MAGI2: variants seen among roughly 807,000 people sequenced by gnomAD.
MAGI2 encodes the protein membrane associated guanylate kinase, WW and PDZ domain containing 2.
A neutral mutation model predicts 133.3 loss-of-function variants in MAGI2; 35 were observed. The ratio of observed to expected loss-of-function variants is 0.26; its 90% confidence interval spans 0.20 to 0.35. MAGI2 has a LOEUF of 0.35. Ranked by LOEUF, MAGI2 falls within the 10% of genes least tolerant of loss-of-function variation. The pLI, the probability that MAGI2 is intolerant of heterozygous loss-of-function variation, is 1.00. For synonymous variants in MAGI2, 729 were observed against 710.6 expected, an observed-to-expected ratio of 1.03 and a Z score of -0.41; for missense variants, 1,636 against 1,863.4, an observed-to-expected ratio of 0.88 and a Z score of 2.25.
At chr7:79,096,961 C>T (rs1478778877) in intron 1 of MAGI2, among the ~76,000 whole-genome samples, 1 of 152,060 alleles carries the variant, frequency 6.6e-6, no homozygotes, top group East Asian at 1.9e-4. Context: ...CGTTATCTCC[C>T]CAATGATCCT....
intron 9 of MAGI2, among the ~76,000 whole-genome samples, chr7:78,330,615 CAAAAAAAAAAAAAA>C (rs4024122): frequency 1.4e-4 from 1 of 6,940 alleles, no homozygotes; most frequent in Non-Finnish European, 2.6e-4. Context: ...GACTCCGTCT[CAAAAAAAAAAAAAA>C]AAAAAAAAAA....
chr7:79,395,954 G>A (rs1196812707), intron 1 of MAGI2, among the ~76,000 whole-genome samples: 1 of 152,098 alleles, frequency 6.6e-6, no homozygotes, highest in African/African-American at 2.4e-5. Context: ...AGAAGAACAT[G>A]TACATTGAGG....
chr7:78,625,150 T>C (rs932250386), intron 3 of MAGI2, among the ~76,000 whole-genome samples: 2 of 152,102 alleles, frequency 1.3e-5, no homozygotes, highest in African/African-American at 4.8e-5. Flanking sequence ...GTTTAAAAAG[T>C]TAAAACAATT....
chr7:78,630,215 G>T (rs887638283), intron 2 of MAGI2, among the ~76,000 whole-genome samples: 42 of 132,210 alleles, frequency 3.2e-4, no homozygotes, highest in Non-Finnish European at 5.5e-4. Flanking sequence ...ATTTTTTCTT[G>T]ATTTTTTTTA....
At chr7:78,920,597 T>C (rs1261915093) in intron 2 of MAGI2, among the ~76,000 whole-genome samples, 2 of 152,176 alleles carry the variant, frequency 1.3e-5, no homozygotes, top group East Asian at 3.9e-4. Context: ...ATAGTCTCTA[T>C]GTTCTGTTAC....
At chr7:79,397,362 G>A (rs1352643404) in intron 1 of MAGI2, among the ~76,000 whole-genome samples, 1 of 151,612 alleles carries the variant, frequency 6.6e-6, no homozygotes, top group Non-Finnish European at 1.5e-5. Flanking sequence ...TTTAATAGGT[G>A]CCTAAAATTC....
rs995415023 is a variant in MAGI2 at position 78,223,747 on chromosome 7, A to G, written c.2048-22554T>C. The stretch of plus-strand genomic sequence containing the variant: ...TTTATACTGCCCCTTTTTTTTCACA[A>G]TGAAAACAGATTTATGGTATAAAAG... On this transcript the variant is annotated intron_variant, in intron 10 of 21. Transcript: ENST00000354212. Among the ~76,000 whole-genome samples, 6 of 152,080 alleles carry G rather than the reference A, an allele frequency of 3.9e-5. No homozygotes were observed. In the South Asian group the frequency reaches 6.2e-4, roughly 16 times the overall value.
intron 1 of MAGI2, among the ~76,000 whole-genome samples, chr7:79,440,799 A>T (rs1372922044): frequency 6.6e-6 from 1 of 152,204 alleles, no homozygotes; most frequent in Non-Finnish European, 1.5e-5. Flanking sequence ...GTCCAGAGAT[A>T]GTGCTAGTCC....
intron 1 of MAGI2, among the ~76,000 whole-genome samples, chr7:79,014,882 T>A (rs1808532529): frequency 6.6e-6 from 1 of 152,128 alleles, no homozygotes; most frequent in African/African-American, 2.4e-5. Flanking sequence ...CACTCCAAAG[T>A]TTCAGTATAA....
At chr7:79,312,712 G>A (rs112918119) in intron 1 of MAGI2, among the ~76,000 whole-genome samples, 4,815 of 152,238 alleles carry the variant, frequency 0.032, 107 homozygotes, top group African/African-American at 0.051. Context: ...GGCACAAAGT[G>A]TGCATACAAA....
chr7:79,387,482 A>T (rs1481960042), intron 1 of MAGI2, among the ~76,000 whole-genome samples: 4 of 152,138 alleles, frequency 2.6e-5, no homozygotes, highest in Non-Finnish European at 5.9e-5. Context: ...TCAATGGCTT[A>T]AATGTGCAAA....
intron 6 of MAGI2, among the ~76,000 whole-genome samples, chr7:78,468,013 G>T (rs76823723): frequency 6.6e-6 from 1 of 152,062 alleles, no homozygotes; most frequent in South Asian, 2.1e-4. Context: ...GGAGGGAAAA[G>T]TTTTCACTGC....
At chr7:78,811,448 C>T (rs937236048) in intron 2 of MAGI2, among the ~76,000 whole-genome samples, 8 of 151,518 alleles carry the variant, frequency 5.3e-5, no homozygotes, top group African/African-American at 9.7e-5. Context: ...GAATTTTATC[C>T]GGAATCTAGC....
At chr7:78,136,007 T>A (rs1198111476) in intron 16 of MAGI2, among the ~76,000 whole-genome samples, 1 of 152,232 alleles carries the variant, frequency 6.6e-6, no homozygotes, top group East Asian at 1.9e-4. Flanking sequence ...GATGCTCCAT[T>A]GATTATAAGA....
At chr7:78,511,756 T>G (rs1033816959) in intron 4 of MAGI2, among the ~76,000 whole-genome samples, 24 of 148,356 alleles carry the variant, frequency 1.6e-4, no homozygotes, top group Non-Finnish European at 3.1e-4. Flanking sequence ...CTCTTCGTGC[T>G]CTGAAGTGGT....
intron 9 of MAGI2, among the ~76,000 whole-genome samples, chr7:78,324,683 A>G (rs1788398571): frequency 6.6e-6 from 1 of 152,178 alleles, no homozygotes; most frequent in African/African-American, 2.4e-5. Flanking sequence ...GAATCTGCCC[A>G]GGTGCGGTGG....
rs35038531 is a variant in MAGI2, at chr7:78,769,261, A to ATT, written c.419-142024_419-142023dup. ...AGATGGACGATACAGGCAAATATCT[A>ATT]TTTTTTTTTTTAACCTGTCAGCCCT... is the stretch of plus-strand genomic sequence containing the variant. On this transcript the variant is annotated intron_variant, in intron 2 of 21. Coordinates refer to ENST00000354212, the MANE Select transcript of MAGI2 (RefSeq NM_012301.4). 1.6e-3 allele frequency among the ~76,000 whole-genome samples: 237 copies of ATT among 149,420 alleles called. 1 individual carries two copies. Among genetic ancestry groups the ATT allele is most frequent in the African/African-American group, 4.0e-3 (161 of 40,700 alleles).
intron 1 of MAGI2, among the ~76,000 whole-genome samples, chr7:79,321,231 AATTTTTCATTTCAT>A (rs1839157185): frequency 6.6e-6 from 1 of 152,176 alleles, no homozygotes; most frequent in African/African-American, 2.4e-5. Flanking sequence ...ACATTTTACT[AATTTTTCATTTCAT>A]AGCAAGAACC....
intron 3 of MAGI2, chr7:78,618,326 G>T (rs1213649331): frequency 1.3e-5 from 2 of 151,582 alleles, no homozygotes. Flanking sequence ...AAGTCATGGA[G>T]TTGTCAGATC....
Sources: gnomAD v4.1 joint callset for allele counts (sites outside exome capture counted in the v4.1 genomes callset) on GRCh38, gnomAD v4.1.1 for gene constraint, MANE v1.5 for transcripts, NCBI Gene and HGNC (gene_info 2026-07-23, HGNC 2026-07-21) for gene names.